TBC1D5: variants seen among roughly 807,000 people sequenced by gnomAD.
The protein encoded by TBC1D5 is TBC1 domain family member 5.
In TBC1D5, 75 loss-of-function variants were observed where a neutral mutation model predicts 100.3. That is an observed-to-expected ratio of 0.75 (90% confidence interval 0.62 to 0.91). TBC1D5 has a LOEUF of 0.91. Among genes scored for constraint, TBC1D5 ranks in the 40% least tolerant of loss-of-function variants. The probability of loss-of-function intolerance (pLI) is 0.00; values close to 1 mark genes in which losing one functional copy is unlikely to be tolerated. For missense variants in TBC1D5, 910 were observed against 942.4 expected, an observed-to-expected ratio of 0.97 and a Z score of 0.45; for synonymous variants, 323 against 325.6, an observed-to-expected ratio of 0.99 and a Z score of 0.09.
At chr3:17,614,382 T>C (rs897989939) in intron 2 of TBC1D5, among the ~76,000 whole-genome samples, 7 of 152,240 alleles carry the variant, frequency 4.6e-5, no homozygotes, top group African/African-American at 1.7e-4. Flanking sequence ...TCTTTTTTGG[T>C]TCCATATGAA....
chr3:17,698,033 A>G (rs1241519598), intron 1 of TBC1D5, among the ~76,000 whole-genome samples: 2 of 151,962 alleles, frequency 1.3e-5, no homozygotes, highest in African/African-American at 2.4e-5. Context: ...ACAGAATTGG[A>G]AAAAACTACT....
intron 19 of TBC1D5, among the ~76,000 whole-genome samples, chr3:17,174,126 C>T (rs756659120): frequency 3.3e-5 from 5 of 152,198 alleles, no homozygotes; most frequent in African/African-American, 4.8e-5. Flanking sequence ...AAACTTACCA[C>T]GTCTAAGCAT....
intron 15 of TBC1D5, among the ~76,000 whole-genome samples, chr3:17,280,608 G>A (rs2080475514): frequency 6.6e-6 from 1 of 152,126 alleles, no homozygotes; most frequent in Non-Finnish European, 1.5e-5. Context: ...GTGTCGCTTT[G>A]GAAAGCCGGA....
chr3:17,379,717 C>T (rs76908224), intron 9 of TBC1D5, among the ~76,000 whole-genome samples: 3,413 of 152,098 alleles, frequency 0.022, 121 homozygotes, highest in African/African-American at 0.077. Flanking sequence ...GAAAACTACA[C>T]ATACCATGCT....
intron 13 of TBC1D5, among the ~76,000 whole-genome samples, chr3:17,337,123 GTTTTTTTTTTTT>G (rs11328091): frequency 8.6e-6 from 1 of 116,152 alleles, no homozygotes; most frequent in Non-Finnish European, 1.7e-5. Flanking sequence ...TATCTGAGAG[GTTTTTTTTTTTT>G]TTTTTTTTTT....
intron 17 of TBC1D5, among the ~76,000 whole-genome samples, chr3:17,223,314 C>A (rs1328548627): frequency 6.6e-6 from 1 of 152,024 alleles, no homozygotes; most frequent in African/African-American, 2.4e-5. Context: ...TACATATTTC[C>A]CTAGTTTGCC....
chr3:17,612,750 G>C (rs1385565331), intron 2 of TBC1D5, among the ~76,000 whole-genome samples: 2 of 151,458 alleles, frequency 1.3e-5, no homozygotes, highest in Non-Finnish European at 1.5e-5. Flanking sequence ...GGAAATCCTA[G>C]AAAACTGAAA....
intron 19 of TBC1D5, among the ~76,000 whole-genome samples, chr3:17,171,640 T>G (rs893955205): frequency 1.3e-5 from 2 of 152,098 alleles, no homozygotes; most frequent in African/African-American, 4.8e-5. Flanking sequence ...CCTCTTCTTA[T>G]AAGGACACCA....
intron 1 of TBC1D5, among the ~76,000 whole-genome samples, chr3:17,737,529 A>G (rs1051777961): frequency 2.0e-5 from 3 of 152,188 alleles, no homozygotes; most frequent in African/African-American, 7.2e-5. Context: ...ATTACTTTCT[A>G]TAATGGGGGG....
chr3:17,648,949 C>A (rs1368638268), intron 1 of TBC1D5, among the ~76,000 whole-genome samples: 2 of 152,132 alleles, frequency 1.3e-5, no homozygotes, highest in South Asian at 2.1e-4. Flanking sequence ...AGCAGAACTA[C>A]CATTCAATCC....
chr3:17,236,789 G>A (rs1225005684), intron 17 of TBC1D5, among the ~76,000 whole-genome samples: 1 of 152,034 alleles, frequency 6.6e-6, no homozygotes, highest in Admixed American at 6.5e-5. Flanking sequence ...ATATTCTTAT[G>A]CATGGTAATT....
intron 2 of TBC1D5, among the ~76,000 whole-genome samples, chr3:17,516,008 A>T (rs1697759195): frequency 6.6e-6 from 1 of 152,192 alleles, no homozygotes; most frequent in Admixed American, 6.5e-5. Context: ...TCAGTACCTC[A>T]CTGAGGGAAG....
At chr3:17,706,454 C>A (rs538494791) in intron 1 of TBC1D5, among the ~76,000 whole-genome samples, 185 of 152,098 alleles carry the variant, frequency 1.2e-3, no homozygotes, top group Admixed American at 2.2e-3. Flanking sequence ...CGCGCACACC[C>A]CACTAGTGAG....
intron 1 of TBC1D5, among the ~76,000 whole-genome samples, chr3:17,643,611 G>A (rs182052967): frequency 1.3e-5 from 2 of 152,094 alleles, no homozygotes; most frequent in East Asian, 1.9e-4. Flanking sequence ...TGTATCAAAT[G>A]TCAAGGTCTC....
At chr3:17,405,006 T>C (rs949294808) in intron 5 of TBC1D5, 45 bp from the exon 6 acceptor site, 1 of 1,317,170 alleles carries the variant, frequency 7.6e-7, no homozygotes, top group Admixed American at 2.2e-5. Flanking sequence ...TCTTAAGATA[T>C]AAAATGTGAA....
chr3:17,353,729 G>A (rs1277960004), intron 13 of TBC1D5, among the ~76,000 whole-genome samples: 1 of 152,048 alleles, frequency 6.6e-6, no homozygotes, highest in East Asian at 1.9e-4. Context: ...TCTAATCAGT[G>A]GAGATGTCAG....
chr3:17,351,951 AC>A (rs1466076617), intron 13 of TBC1D5, among the ~76,000 whole-genome samples: 2 of 150,746 alleles, frequency 1.3e-5, no homozygotes, highest in Non-Finnish European at 3.0e-5. Context: ...CCCCAAAAAA[AC>A]CCTCAAACAA....
At chr3:17,497,770 CATG>C (rs10575498) in intron 3 of TBC1D5, among the ~76,000 whole-genome samples, 3,003 of 152,234 alleles carry the variant, frequency 0.02, 87 homozygotes, top group African/African-American at 0.068. Context: ...TTTAAGTACA[CATG>C]ATGCCATGAT....
intron 2 of TBC1D5, among the ~76,000 whole-genome samples, chr3:17,611,388 AAG>A (rs1460475565): frequency 6.6e-6 from 1 of 152,160 alleles, no homozygotes; most frequent in Admixed American, 6.5e-5. Context: ...AGTTTAAAAG[AAG>A]AGAGAATGGA....
Sources: allele counts gnomAD v4.1 joint callset (sites outside exome capture counted in the v4.1 genomes callset), GRCh38; gene constraint gnomAD v4.1.1; transcripts MANE v1.5; gene names NCBI Gene and HGNC (gene_info 2026-07-23, HGNC 2026-07-21).